The following THRAP3 variants were observed in gnomAD, a reference collection of about 807,000 sequenced individuals.
THRAP3 encodes thyroid hormone receptor associated protein 3.
A neutral mutation model predicts 101.0 loss-of-function variants in THRAP3; 16 were observed. That is an observed-to-expected ratio of 0.16 (90% confidence interval 0.11 to 0.24). THRAP3 has a LOEUF of 0.24. THRAP3 is among the 10% of genes least tolerant of loss of function. THRAP3 has a pLI of 1.00. For synonymous variants in THRAP3, 407 were observed against 422.6 expected (o/e 0.96, Z 0.45); for missense variants, 989 against 1,202.7 (o/e 0.82, Z 2.63).
rs1024499537 is a variant in THRAP3, at chr1:36,287,217, C to T, written c.987C>T (p.Gly329=). 2.5e-6 allele frequency: 4 copies of T among 1,613,850 alleles called. No homozygotes were observed. Among genetic ancestry groups the T allele is most frequent in the East Asian group, 2.2e-5 (1 of 44,892 alleles). ...CACCATCCACTGGCTCCACATATGG[C>T]TCATCTCAGAAGGAGGAGAGTGCTG... ...KSPPSTGSTY[G]SSQKEESAAS... Residue 329 remains glycine (G), a synonymous_variant, in exon 4 of 12, where the codon GGC becomes GGT. Coordinates refer to ENST00000354618, the MANE Select transcript of THRAP3 (RefSeq NM_005119.4).
At chr1:36,288,168 T>C in intron 4 of THRAP3, 1 of 958,788 alleles carries the variant, frequency 1.0e-6, no homozygotes, top group Non-Finnish European at 1.2e-6. Context: ...TATTTATTTA[T>C]TTCAATAGGT....
chr1:36,246,136 G>C (rs185502578), intron 1 of THRAP3, among the ~76,000 whole-genome samples: 1 of 152,288 alleles, frequency 6.6e-6, no homozygotes, highest in African/African-American at 2.4e-5. Flanking sequence ...TGGTTGTAGA[G>C]CATGTAAATC....
At chr1:36,252,945 T>TAC (rs1353332740) in intron 1 of THRAP3, among the ~76,000 whole-genome samples, 1 of 115,298 alleles carries the variant, frequency 8.7e-6, no homozygotes, top group Non-Finnish European at 1.9e-5. Flanking sequence ...TATATATATA[T>TAC]ATATATATAT....
chr1:36,286,444 G>T lies in THRAP3; in HGVS notation c.214G>T (p.Asp72Tyr). 1.2e-6 allele frequency: 2 copies of T among 1,614,118 alleles called. No homozygotes were observed. The highest frequency in any genetic ancestry group is 1.7e-6 in the Non-Finnish European group (2 of 1,180,020). ...CCACCCAAGAGTATATCAGAATCGG[G>T]ATTTCCGAGGTCACAACAGAGGCTA... ...RNHPRVYQNR[D>Y]FRGHNRGYRR... The change falls in exon 4 of 12, where the codon GAT becomes TAT. Residue 72 changes from aspartate (D) to tyrosine (Y), a missense_variant. Transcript: ENST00000354618. This position sits in a 1 kb window ranked among gnomAD's most constrained non-coding sequence, Gnocchi z 5.5.
intron 2 of THRAP3, among the ~76,000 whole-genome samples, chr1:36,266,934 G>A (rs917275712): frequency 1.3e-5 from 2 of 151,940 alleles, no homozygotes; most frequent in African/African-American, 4.8e-5. Context: ...AGGCTGGAGT[G>A]CAGTGGCACG....
At chr1:36,241,478 A>G (rs1370066146) in intron 1 of THRAP3, among the ~76,000 whole-genome samples, 1 of 149,650 alleles carries the variant, frequency 6.7e-6, no homozygotes, top group African/African-American at 2.5e-5. Flanking sequence ...GGTCATGTTT[A>G]CCAGCAGAAA....
chr1:36,211,707 T>G, the THRAP3 span, among the ~76,000 whole-genome samples: 1 of 152,180 alleles, frequency 6.6e-6, no homozygotes, highest in Admixed American at 6.5e-5. Flanking sequence ...CAATGATCAG[T>G]AGCAAACAAG....
At chr1:36,216,575 G>A in the THRAP3 span, among the ~76,000 whole-genome samples, 3 of 151,698 alleles carry the variant, frequency 2.0e-5, no homozygotes, top group African/African-American at 7.3e-5. Flanking sequence ...GCCGAGGCGG[G>A]TGGATTACAA....
chr1:36,216,724 A>G, the THRAP3 span, among the ~76,000 whole-genome samples: 1 of 152,152 alleles, frequency 6.6e-6, no homozygotes, highest in African/African-American at 2.4e-5. Flanking sequence ...GGCTGCAGTG[A>G]GCTGTGATCA....
chr1:36,281,219 A>G (rs184780470), intron 2 of THRAP3, among the ~76,000 whole-genome samples: 1 of 152,274 alleles, frequency 6.6e-6, no homozygotes, highest in African/African-American at 2.4e-5. Context: ...CTCTTTTGTA[A>G]TAAAGAGCTG....
At chr1:36,221,502 G>C (rs1644902864), upstream of THRAP3, among the ~76,000 whole-genome samples, 3 of 152,124 alleles carry the variant, frequency 2.0e-5, no homozygotes, top group South Asian at 6.2e-4. Context: ...ACCTTCAGCA[G>C]CTATCACCCT....
At chr1:36,218,760 C>T in the THRAP3 span, among the ~76,000 whole-genome samples, 2 of 150,892 alleles carry the variant, frequency 1.3e-5, no homozygotes, top group East Asian at 2.0e-4. Context: ...CCAGGCCAGG[C>T]GTGGTGGCTC....
intron 8 of THRAP3, among the ~76,000 whole-genome samples, chr1:36,296,253 C>T (rs778966943): frequency 4.6e-5 from 7 of 152,178 alleles, no homozygotes; most frequent in South Asian, 4.2e-4. Flanking sequence ...GGATTACAGG[C>T]GTGAGCCACT....
rs147227162 is a variant in THRAP3 at position 36,282,636 on chromosome 1, C to G, written c.73C>G (p.Arg25Gly). Residue 25 changes from arginine to glycine, a missense_variant, in exon 3 of 12, where the codon CGT becomes GGT. Coordinates refer to ENST00000354618, the MANE Select transcript of THRAP3 (RefSeq NM_005119.4). ...RSRSASRSRS[R>G]SFSKSRSRSR... is the part of the protein sequence containing the mutation. ...AAGATCTGCATCAAGATCTCGTTCT[C>G]GTTCATTTTCGAAGTCTCGGTCCCG... The G allele has an allele frequency of 2.5e-6, 4 of 1,614,130 alleles. No homozygotes were observed. The South Asian group carries it at 4.4e-5, about 18-fold the overall frequency.
chr1:36,285,502 A>G (rs1179828279), intron 3 of THRAP3, among the ~76,000 whole-genome samples: 2 of 152,334 alleles, frequency 1.3e-5, no homozygotes, highest in African/African-American at 4.8e-5. Context: ...CTGGAAATTC[A>G]TCTTGCTCTA....
At chr1:36,222,292 C>G (rs1277110065), upstream of THRAP3, among the ~76,000 whole-genome samples, 1 of 152,160 alleles carries the variant, frequency 6.6e-6, no homozygotes, top group Non-Finnish European at 1.5e-5. Context: ...TGTAAACATA[C>G]TATATAACTT....
Position 36,259,570 on chromosome 1 carries a change from G to C in THRAP3, c.-32+86G>C, listed in dbSNP as rs1645417874. 3 of 394,016 alleles carry C rather than the reference G, an allele frequency of 7.6e-6. No homozygotes were observed. In the East Asian group the frequency reaches 1.1e-4, roughly 14 times the overall value. The allele number at this position is 394,016 out of a possible 1,614,324, so 24.4% of individuals were successfully genotyped here. ...TTAAGAATTGATTATTTCGAGACCA[G>C]CCTATGCAACATGGTGAGATCCTGT... On this transcript the variant is annotated intron_variant, in intron 2 of 11. Coordinates refer to ENST00000354618, the MANE Select transcript of THRAP3 (RefSeq NM_005119.4).
In THRAP3 at chr1:36,289,187, T is replaced by G; in HGVS notation, c.1168T>G (p.Ser390Ala). 1 of 1,614,094 alleles carries G rather than the reference T, an allele frequency of 6.2e-7. No homozygotes were observed. Among genetic ancestry groups the G allele is most frequent in the Non-Finnish European group, 8.5e-7 (1 of 1,180,030 alleles). Residue 390 changes from serine (S) to alanine (A), a missense_variant, in exon 5 of 12, where the codon TCT becomes GCT. Transcript: ENST00000354618. ...DTGLGDGKMK[S>A]DSFAPKTDSE... ...AGGCTTGGGTGATGGAAAAATGAAA[T>G]CTGATTCTTTTGCTCCCAAAACTGA...
At position 36,303,112 on chromosome 1, in the gene THRAP3, ATT is replaced by A. The variant is rs397936228; in HGVS notation, c.2647-662_2647-661del. ...AGGCGCACACCCCCATGCCTGGCTA[ATT>A]TTTTTTTTTTTTTTTTTTTTTGTAT... On this transcript the variant is annotated intron_variant, in intron 11 of 11. Transcript: ENST00000354618. Among the ~76,000 whole-genome samples the A allele has an allele frequency of 2.0e-3, 253 of 125,132 alleles. 1 individual carries two copies. The highest frequency in any genetic ancestry group is 6.9e-3 in the African/African-American group (228 of 33,078). 82.1% of individuals were successfully genotyped at this position (125,132 alleles called of 152,430 possible). A position where few individuals can be genotyped will look rare whatever the true frequency, so the allele number is the denominator to read the frequency against.
Sources: allele counts gnomAD v4.1 joint callset (sites outside exome capture counted in the v4.1 genomes callset), GRCh38; gene constraint gnomAD v4.1.1; non-coding constraint Gnocchi (gnomAD v3.1); transcripts MANE v1.5; gene names NCBI Gene and HGNC (gene_info 2026-07-23, HGNC 2026-07-21).